IFT20: variants seen among roughly 807,000 people sequenced by gnomAD.
IFT20 encodes intraflagellar transport 20, also known as intraflagellar transport protein 20 homolog.
A neutral mutation model predicts 16.9 loss-of-function variants in IFT20; 4 were observed. That is an observed-to-expected ratio of 0.24 (90% CI 0.12 to 0.54). The LOEUF is 0.54. Ranked by LOEUF, IFT20 falls within the 20% of genes least tolerant of loss-of-function variation. IFT20 has a pLI of 0.95. For synonymous variants in IFT20, 48 were observed against 49.9 expected, an observed-to-expected ratio of 0.96 and a Z score of 0.16; for missense variants, 154 against 149.7, an observed-to-expected ratio of 1.03 and a Z score of -0.15.
chr17:28,334,942 G>C (rs975054097), intron 1 of IFT20, among the ~76,000 whole-genome samples: 1 of 152,174 alleles, frequency 6.6e-6, no homozygotes, highest in African/African-American at 2.4e-5. Context: ...AAGAGGTGCA[G>C]GGAAAGAGTT....
At chr17:28,330,969 T>G (rs1280814174) in intron 2 of IFT20, among the ~76,000 whole-genome samples, 2 of 152,188 alleles carry the variant, frequency 1.3e-5, no homozygotes, top group Admixed American at 6.5e-5. Context: ...GGGCTCATTC[T>G]CCAGACAGAC....
chr17:28,334,236 G>A (rs1260780799), intron 1 of IFT20, among the ~76,000 whole-genome samples: 3 of 152,222 alleles, frequency 2.0e-5, no homozygotes, highest in Admixed American at 6.5e-5. Flanking sequence ...GGACTTGGAG[G>A]GGAGGGCCAA....
At position 28,330,492 on chromosome 17, in the gene IFT20, A is replaced by G. The variant is rs555767053; in HGVS notation, c.164T>C (p.Ile55Thr). ...GQFQKIVGGL[I>T]ELVDQLAKEA... ...TTTTGCAAGTTGATCAACAAGCTCA[A>G]TTAAACCACCAACTATTTTCTGAAA... Residue 55 changes from isoleucine (I) to threonine (T), a missense_variant, in exon 3 of 5, where the codon ATT (isoleucine) becomes ACT (threonine). Transcript: ENST00000395418. 5 of 1,613,812 alleles carry G rather than the reference A, an allele frequency of 3.1e-6. No homozygotes were observed. The African/African-American group carries it at 6.7e-5, about 22-fold the overall frequency.
Position 28,328,454 on chromosome 17 carries a change from A to G in IFT20, c.*198T>C, listed in dbSNP as rs1308081093. ...AGGTGAGAACGTACACTGCAGGGCCACCAGCAGCAGCTGTGCACTGATGTT... is the reference window on the plus strand; with the variant it reads ...AGGTGAGAACGTACACTGCAGGGCCGCCAGCAGCAGCTGTGCACTGATGTT... On this transcript the variant is annotated 3_prime_UTR_variant, in exon 5 of 5. Transcript: ENST00000395418. 13 of 577,956 alleles carry G rather than the reference A, an allele frequency of 2.2e-5. No individual in the cohort carries two copies. Among genetic ancestry groups the G allele is most frequent in the Non-Finnish European group, 4.0e-5 (13 of 326,920 alleles). The allele number at this position is 577,956 out of a possible 1,614,324, so 35.8% of individuals were successfully genotyped here.
In IFT20 at chr17:28,331,939, A is replaced by G. The variant is rs375969618; in HGVS notation, c.47T>C (p.Leu16Pro). Residue 16 changes from leucine to proline, a missense_variant, in exon 2 of 5, where the codon CTG becomes CCG. By Grantham distance (98) the Leu-to-Pro change is moderately conservative. Transcript: ENST00000395418. Reference protein sequence around the residue: ...LGEAGLHFDELNKLRVLDPEV... With the variant: ...LGEAGLHFDEPNKLRVLDPEV... ...TGGGTCCAACACCCTCAGCTTGTTCAGTTCATCAAAGTGTAGCCCTGCTTC... is the reference window on the plus strand; with the variant it reads ...TGGGTCCAACACCCTCAGCTTGTTCGGTTCATCAAAGTGTAGCCCTGCTTC... 1.2e-6 allele frequency: 2 copies of G among 1,614,230 alleles called. No homozygotes were observed. The highest frequency in any genetic ancestry group is 1.7e-6 in the Non-Finnish European group (2 of 1,180,044).
intron 3 of IFT20, chr17:28,330,150 C>T (rs1171603900): frequency 7.6e-5 from 47 of 622,360 alleles, no homozygotes; most frequent in Non-Finnish European, 1.1e-4. Context: ...GTGGGAGAAT[C>T]GCTTGAATCT....
In IFT20 at chr17:28,328,748, T is replaced by C; in HGVS notation, c.318-15A>G. On this transcript the variant is annotated splice_polypyrimidine_tract_variant and intron_variant, in intron 4 of 4. Transcript: ENST00000395418. Reference sequence around the variant, plus strand: ...CAACCCGATACCTGAAAAACAAAATTGTTAGAGGCCCTGAAAAAAAGATGA... The same window carrying C: ...CAACCCGATACCTGAAAAACAAAATCGTTAGAGGCCCTGAAAAAAAGATGA... 1.6e-5 allele frequency: 23 copies of C among 1,473,184 alleles called. No homozygotes were observed. Among genetic ancestry groups the C allele is most frequent in the Non-Finnish European group, 2.0e-5 (21 of 1,062,906 alleles). The allele number at this position is 1,473,184 out of a possible 1,614,324, so 91.3% of individuals were successfully genotyped here. A position where few individuals can be genotyped will look rare whatever the true frequency, so the allele number is the denominator to read the frequency against.
intron 1 of IFT20, among the ~76,000 whole-genome samples, chr17:28,334,443 C>A (rs1906997576): frequency 6.6e-6 from 1 of 152,228 alleles, no homozygotes; most frequent in Non-Finnish European, 1.5e-5. Flanking sequence ...GACAGGGAGA[C>A]AACAGCTGGA....
chr17:28,331,015 T>C (rs1413821729), intron 2 of IFT20, among the ~76,000 whole-genome samples: 1 of 152,210 alleles, frequency 6.6e-6, no homozygotes, highest in Non-Finnish European at 1.5e-5. Context: ...CAGGAAGCAC[T>C]GTTGTTCACA....
intron 4 of IFT20, 35 bp from the exon 5 acceptor site, chr17:28,328,768 A>G (rs1906505347): frequency 3.9e-6 from 5 of 1,273,534 alleles, no homozygotes; most frequent in African/African-American, 1.5e-5. Context: ...CCTGAAAAAA[A>G]GATGAAGTAA....
rs1226389746 is a variant in IFT20 at position 28,329,260 on chromosome 17, T to G, written c.230A>C (p.Asn77Thr). ...NEKMKAIGAR[N>T]LLKSIAKQRE... ...CTGCTTTGCTATAGATTTGAGCAAG[T>G]TCCGAGCACCGATGGCCTACAGTAT... Residue 77 changes from asparagine (N) to threonine (T), a missense_variant, in exon 4 of 5, where the codon AAC becomes ACC. Coordinates refer to ENST00000395418, the MANE Select transcript of IFT20 (RefSeq NM_001267776.2). 1 of 1,613,918 alleles carries G rather than the reference T, an allele frequency of 6.2e-7. No homozygotes were observed. Among genetic ancestry groups the G allele is most frequent in the African/African-American group, 1.3e-5 (1 of 74,936 alleles).
chr17:28,330,576 TCC>T, intron 2 of IFT20, 48 bp from the exon 3 acceptor site: 1 of 1,246,668 alleles, frequency 8.0e-7, no homozygotes, highest in Non-Finnish European at 1.2e-6. Flanking sequence ...GTATCATCAC[TCC>T]CCTTCGGTAG....
At chr17:28,333,254 C>T (rs565553783) in intron 1 of IFT20, among the ~76,000 whole-genome samples, 2 of 152,256 alleles carry the variant, frequency 1.3e-5, no homozygotes, top group Non-Finnish European at 2.9e-5. Context: ...CCTCTGCCCC[C>T]ACTGCCCCCA....
chr17:28,328,862 A>AG, intron 4 of IFT20, 129 bp from the exon 5 acceptor site: 1 of 713,052 alleles, frequency 1.4e-6, no homozygotes, highest in Non-Finnish European at 2.4e-6. Flanking sequence ...GAAGAAAGAA[A>AG]GAGGCAAAGC....
Position 28,332,187 on chromosome 17 carries a change from G to A in IFT20, c.-2-200C>T, listed in dbSNP as rs1555576676. On this transcript the variant is annotated intron_variant, in intron 1 of 4. Coordinates refer to ENST00000395418, the MANE Select transcript of IFT20 (RefSeq NM_001267776.2). ...TTCCCTAGAGGAGTTCTGCTCTGAA[G>A]GAGTGACAGTGGCAGTCAGGAGGAG... 6 of 1,537,694 alleles carry A rather than the reference G, an allele frequency of 3.9e-6. No homozygotes were observed. The Admixed American group carries it at 1.2e-4, about 30-fold the overall frequency.
intron 3 of IFT20, chr17:28,330,028 C>T: frequency 8.0e-6 from 4 of 502,362 alleles, no homozygotes; most frequent in East Asian, 3.3e-5. Flanking sequence ...CCATTGCACT[C>T]CAGCCTGGGC....
At chr17:28,330,246 AAAAAAT>A (rs781999233) in intron 3 of IFT20, 191 bp downstream of exon 3, 6 of 617,228 alleles carry the variant, frequency 9.7e-6, no homozygotes, top group African/African-American at 7.4e-5. Flanking sequence ...AAAAAAAAAA[AAAAAAT>A]AAAGATTAAA....
In IFT20 at chr17:28,331,926, C is replaced by T. The variant is rs1555576609; in HGVS notation, c.60G>A (p.Arg20=). The part of the protein sequence containing the change: ...GLHFDELNKL[R]VLDPEVTQQT... ...GCTGGGTAACCTCTGGGTCCAACAC[C>T]CTCAGCTTGTTCAGTTCATCAAAGT... Residue 20 remains arginine (R), a synonymous_variant, in exon 2 of 5, where the codon AGG becomes AGA. Transcript: ENST00000395418. The T allele has an allele frequency of 3.1e-6, 5 of 1,614,218 alleles. No homozygotes were observed. The East Asian group carries it at 6.7e-5, about 22-fold the overall frequency.
chr17:28,332,223 G>A, intron 1 of IFT20: 1 of 1,536,058 alleles, frequency 6.5e-7, no homozygotes, highest in Admixed American at 2.0e-5. Flanking sequence ...GTGTGTCATA[G>A]GAGCAAGGGT....
Sources: allele counts gnomAD v4.1 joint callset (sites outside exome capture counted in the v4.1 genomes callset), GRCh38; gene constraint gnomAD v4.1.1; transcripts MANE v1.5; gene names NCBI Gene and HGNC (gene_info 2026-07-23, HGNC 2026-07-21).